P2RY6: variants seen among roughly 807,000 people sequenced by gnomAD.
The protein encoded by P2RY6 is P2Y purinoceptor 6.
P2RY6 carries 19 observed loss-of-function variants against 16.3 expected under a neutral mutation model. The ratio of observed to expected loss-of-function variants is 1.16; its 90% CI spans 0.81 to 1.71. The LOEUF is 1.71. Ranked by LOEUF, P2RY6 falls within the 40% of genes most tolerant of loss-of-function variation. The probability of loss-of-function intolerance (pLI) is 0.00; values close to 1 mark genes in which losing one functional copy is unlikely to be tolerated. For synonymous variants in P2RY6, 184 were observed against 201.5 expected, an observed-to-expected ratio of 0.91 and a Z score of 0.74; for missense variants, 389 against 455.5, an observed-to-expected ratio of 0.85 and a Z score of 1.33.
At chr11:73,284,217 C>G (rs1053501242) in intron 1 of P2RY6, among the ~76,000 whole-genome samples, 4 of 152,108 alleles carry the variant, frequency 2.6e-5, no homozygotes, top group African/African-American at 9.7e-5. Context: ...CTCAGGCACT[C>G]AACCAAGTCA....
At chr11:73,268,816 C>G (rs1327371200), upstream of P2RY6, among the ~76,000 whole-genome samples, 4 of 152,228 alleles carry the variant, frequency 2.6e-5, no homozygotes, top group Non-Finnish European at 5.9e-5. Context: ...CCTCCTGACT[C>G]CTGGGAGCAG....
At chr11:73,282,205 A>T (rs574076594) in intron 1 of P2RY6, among the ~76,000 whole-genome samples, 1 of 152,192 alleles carries the variant, frequency 6.6e-6, no homozygotes, top group Non-Finnish European at 1.5e-5. Flanking sequence ...GAGCCTCCCC[A>T]TCCCACGGCC....
chr11:73,290,302 GAAAAGAAA>G (rs1196778552), intron 1 of P2RY6, among the ~76,000 whole-genome samples: 845 of 80,938 alleles, frequency 0.01, 5 homozygotes, highest in Non-Finnish European at 0.014. Flanking sequence ...AAGAAAGAAA[GAAAAGAAA>G]GAAAGAAAGA....
intron 1 of P2RY6, among the ~76,000 whole-genome samples, chr11:73,281,280 C>G (rs978604080): frequency 6.6e-6 from 1 of 152,196 alleles, no homozygotes; most frequent in Non-Finnish European, 1.5e-5. Context: ...AAGCACAGAC[C>G]AGACACTCAG....
upstream of P2RY6, chr11:73,269,853 C>T (rs1863230515): frequency 1.3e-5 from 2 of 152,342 alleles, no homozygotes; most frequent in African/African-American, 4.8e-5. Context: ...CCTTCCCAGC[C>T]TTGTCTCTTT....
rs115793725 is a variant in P2RY6, at chr11:73,277,616, T to C, written c.-121+5150T>C. On this transcript the variant is annotated intron_variant, in intron 1 of 2. Transcript: ENST00000540124. ...ATTTGTCCCAATTCCTGCAGGACAA[T>C]GCAAAGGGGGCCAGGTAATACCTTC... Among the ~76,000 whole-genome samples the C allele has an allele frequency of 7.2e-3, 1,102 of 152,318 alleles. 11 individuals are homozygous for C. Among genetic ancestry groups the C allele is most frequent in the African/African-American group, 0.025 (1,042 of 41,576 alleles).
chr11:73,270,175 C>T (rs1863241636), upstream of P2RY6: 1 of 152,260 alleles, frequency 6.6e-6, no homozygotes, highest in African/African-American at 2.4e-5. Flanking sequence ...TTCACTTCCT[C>T]TATTTGGCAG....
chr11:73,266,378 G>A (rs1018824865), intron 1 of P2RY6, among the ~76,000 whole-genome samples: 7 of 152,192 alleles, frequency 4.6e-5, no homozygotes, highest in African/African-American at 1.7e-4. Context: ...GAAAAATGCT[G>A]GCCCTGTGTA....
intron 1 of P2RY6, among the ~76,000 whole-genome samples, chr11:73,266,367 C>T (rs1439448399): frequency 2.6e-5 from 4 of 152,040 alleles, no homozygotes; most frequent in Non-Finnish European, 5.9e-5. Flanking sequence ...CTGGAGGAAC[C>T]GAAAAATGCT....
chr11:73,296,969 G>T lies in P2RY6; in HGVS notation c.451G>T (p.Val151Leu). ...RRAAWLVCVA[V>L]WLAVTTQCLP... Reference sequence around the variant, plus strand: ...GGCTGCCTGGCTAGTGTGTGTAGCCGTGTGGCTGGCCGTGACAACCCAGTG... The same window carrying T: ...GGCTGCCTGGCTAGTGTGTGTAGCCTTGTGGCTGGCCGTGACAACCCAGTG... Residue 151 changes from valine (V) to leucine (L), a missense_variant, in exon 3 of 3, where the codon GTG becomes TTG. Val to Leu is a conservative substitution (Grantham distance 32). Transcript: ENST00000540124. The T allele has an allele frequency of 6.2e-7, 1 of 1,603,134 alleles. No individual in the cohort carries two copies.
chr11:73,286,405 G>A (rs1863975503), intron 1 of P2RY6, among the ~76,000 whole-genome samples: 1 of 152,082 alleles, frequency 6.6e-6, no homozygotes, highest in Non-Finnish European at 1.5e-5. Context: ...GGGTCTGCCT[G>A]GGAAATGGGC....
At chr11:73,273,506 A>C (rs934416265) in intron 1 of P2RY6, among the ~76,000 whole-genome samples, 1 of 151,410 alleles carries the variant, frequency 6.6e-6, no homozygotes, top group African/African-American at 2.4e-5. Flanking sequence ...GGAACTCTAC[A>C]CTCCCCTCGA....
chr11:73,280,644 G>A (rs1390105228), intron 1 of P2RY6, among the ~76,000 whole-genome samples: 2 of 152,178 alleles, frequency 1.3e-5, no homozygotes, highest in African/African-American at 4.8e-5. Context: ...AACACCTGTG[G>A]GCAGGACCTG....
chr11:73,286,093 A>C (rs1449996265), intron 1 of P2RY6, among the ~76,000 whole-genome samples: 1 of 152,192 alleles, frequency 6.6e-6, no homozygotes, highest in South Asian at 2.1e-4. Context: ...CCAGTCAGGG[A>C]GGCTTCAGAG....
upstream of P2RY6, among the ~76,000 whole-genome samples, chr11:73,267,672 G>C (rs1863150474): frequency 2.0e-5 from 3 of 152,164 alleles, 1 homozygote; most frequent in South Asian, 6.2e-4. Context: ...GGGGTGGAGA[G>C]CTCCAAAATT....
chr11:73,283,859 A>C (rs1053469557), intron 1 of P2RY6, among the ~76,000 whole-genome samples: 7 of 152,026 alleles, frequency 4.6e-5, no homozygotes, highest in Admixed American at 2.6e-4. Flanking sequence ...TGAGAGAGGG[A>C]CTGGGGAGTG....
intron 1 of P2RY6, among the ~76,000 whole-genome samples, chr11:73,290,295 AAAGAAAGAAAAGAAAG>A (rs1184698273): frequency 7.6e-6 from 1 of 130,980 alleles, no homozygotes; most frequent in Non-Finnish European, 1.6e-5. Flanking sequence ...AGAAAGAAAG[AAAGAAAGAAAAGAAAG>A]AAAGAAAGAA....
chr11:73,290,335 GAAA>G (rs1565170669), intron 1 of P2RY6, among the ~76,000 whole-genome samples: 23 of 150,104 alleles, frequency 1.5e-4, no homozygotes, highest in Non-Finnish European at 2.5e-4. Context: ...AAGAAAGAAA[GAAA>G]GAAAGAAAGA....
chr11:73,270,670 A>G (rs1462059872), upstream of P2RY6, among the ~76,000 whole-genome samples: 2 of 152,102 alleles, frequency 1.3e-5, no homozygotes, highest in Non-Finnish European at 2.9e-5. Flanking sequence ...CAGGGCTGGG[A>G]GTGGGGCACA....
Sources: allele counts gnomAD v4.1 joint callset (sites outside exome capture counted in the v4.1 genomes callset), GRCh38; gene constraint gnomAD v4.1.1; transcripts MANE v1.5; gene names NCBI Gene and HGNC (gene_info 2026-07-23, HGNC 2026-07-21).